Variants in SORBS2 observed in about 807,000 individuals in gnomAD.
The protein encoded by SORBS2 is sorbin and SH3 domain-containing protein 2.
A neutral mutation model predicts 97.7 loss-of-function variants in SORBS2; 46 were observed. The observed-to-expected ratio is 0.47, with a 90% CI of 0.37 to 0.60. SORBS2 has a LOEUF of 0.60. SORBS2 is among the 20% of genes least tolerant of loss of function. The pLI is 0.00. For synonymous variants in SORBS2, 476 were observed against 473.4 expected, an observed-to-expected ratio of 1.01 and a Z score of -0.07; for missense variants, 1,316 against 1,282.3, an observed-to-expected ratio of 1.03 and a Z score of -0.40.
At chr4:185,922,501 TC>T (rs2099261367) in intron 1 of SORBS2, among the ~76,000 whole-genome samples, 1 of 152,222 alleles carries the variant, frequency 6.6e-6, no homozygotes. Flanking sequence ...CAGAAATGAA[TC>T]CTATTTCAGG....
chr4:185,837,580 C>T (rs1438387596), intron 1 of SORBS2, among the ~76,000 whole-genome samples: 1 of 152,120 alleles, frequency 6.6e-6, no homozygotes, highest in Non-Finnish European at 1.5e-5. Flanking sequence ...TTTGTTCTAA[C>T]TGAATAGGTT....
intron 1 of SORBS2, among the ~76,000 whole-genome samples, chr4:185,879,211 T>A (rs1340197609): frequency 3.9e-5 from 5 of 128,160 alleles, no homozygotes; most frequent in Non-Finnish European, 6.3e-5. Flanking sequence ...GATGTTCCCC[T>A]TCCTGTGTCC....
At chr4:185,677,174 T>G in intron 4 of SORBS2, 6 of 1,551,740 alleles carry the variant, frequency 3.9e-6, no homozygotes, top group Non-Finnish European at 5.2e-6. Context: ...TCTCAGGCAC[T>G]GGATTAGGGG....
intron 2 of SORBS2, among the ~76,000 whole-genome samples, chr4:185,745,956 G>A (rs1455848145): frequency 2.6e-5 from 4 of 152,222 alleles, no homozygotes; most frequent in East Asian, 3.9e-4. Context: ...AGAAGCAAAC[G>A]ATATCACCAA....
At chr4:185,655,520 T>A in intron 1 of SORBS2, among the ~76,000 whole-genome samples, 1 of 152,190 alleles carries the variant, frequency 6.6e-6, no homozygotes, top group East Asian at 1.9e-4. Flanking sequence ...ACCTTCTTTG[T>A]CAAGTTTTAA....
chr4:185,871,095 C>G (rs560376646), intron 1 of SORBS2, among the ~76,000 whole-genome samples: 1 of 152,326 alleles, frequency 6.6e-6, no homozygotes, highest in Non-Finnish European at 1.5e-5. Flanking sequence ...CACACAGAGT[C>G]TATTCCCCTG....
chr4:185,864,709 G>A (rs544973264), intron 1 of SORBS2, among the ~76,000 whole-genome samples: 1 of 152,146 alleles, frequency 6.6e-6, no homozygotes, highest in East Asian at 1.9e-4. Context: ...TCAGGAGTTC[G>A]AGACCAGCCT....
chr4:185,771,299 C>T (rs1036025314), intron 2 of SORBS2: 3 of 152,114 alleles, frequency 2.0e-5, no homozygotes, highest in African/African-American at 7.2e-5. Flanking sequence ...CCTATCCTTC[C>T]CCTTTTTCTG....
intron 1 of SORBS2, among the ~76,000 whole-genome samples, chr4:185,952,170 G>A (rs766828262): frequency 9.9e-5 from 15 of 152,044 alleles, no homozygotes; most frequent in African/African-American, 2.7e-4. Context: ...GATCACAGGC[G>A]TGTGCCACCA....
intron 1 of SORBS2, among the ~76,000 whole-genome samples, chr4:185,866,440 A>T (rs116434307): frequency 3.9e-5 from 6 of 152,326 alleles, no homozygotes; most frequent in Non-Finnish European, 5.9e-5. Flanking sequence ...ACAAGTATAC[A>T]CTCACATGCA....
intron 1 of SORBS2, among the ~76,000 whole-genome samples, chr4:185,948,510 ATTTTTT>A (rs34637572): frequency 8.0e-5 from 7 of 87,736 alleles, no homozygotes; most frequent in Non-Finnish European, 1.4e-4. Flanking sequence ...ATGAATTTCA[ATTTTTT>A]TTTTTTTTTT....
intron 2 of SORBS2, among the ~76,000 whole-genome samples, chr4:185,685,909 A>T (rs928383785): frequency 6.6e-6 from 1 of 152,220 alleles, no homozygotes; most frequent in African/African-American, 2.4e-5. Flanking sequence ...GTGTAAGTTC[A>T]TCAGCCATTT....
At chr4:185,722,938 T>C (rs556601460) in intron 2 of SORBS2, among the ~76,000 whole-genome samples, 41 of 152,238 alleles carry the variant, frequency 2.7e-4, no homozygotes, top group African/African-American at 9.6e-4. Context: ...GGCAAACATC[T>C]GAGAAATTAA....
intron 1 of SORBS2, among the ~76,000 whole-genome samples, chr4:185,843,800 C>A (rs1348104424): frequency 6.6e-6 from 1 of 152,152 alleles, no homozygotes. Flanking sequence ...AGATTCAGTG[C>A]AATAAATCCC....
At position 185,684,046 on chromosome 4, in the gene SORBS2, C is replaced by A. The variant is rs1028179569; in HGVS notation, c.-197-5224G>T. Among the ~76,000 whole-genome samples the A allele has an allele frequency of 6.6e-6, 1 of 151,758 alleles. No homozygotes were observed. Among genetic ancestry groups the A allele is most frequent in the Non-Finnish European group, 1.5e-5 (1 of 67,984 alleles). ...ACCAACCCACCAACCAACCCATCAC[C>A]AACAGGTGTGGGTCTATTTCAGGGT... On this transcript the variant is annotated intron_variant, in intron 2 of 20. Transcript: ENST00000284776. The surrounding 1 kb of genome is among the most constrained non-coding windows in gnomAD (Gnocchi z 4.2).
intron 1 of SORBS2, among the ~76,000 whole-genome samples, chr4:185,910,010 G>T (rs950557228): frequency 6.9e-6 from 1 of 144,726 alleles, no homozygotes; most frequent in Non-Finnish European, 1.5e-5. Context: ...AAAAAGAAAA[G>T]AAATATATTC....
At chr4:185,875,340 ACAT>A (rs2099232930) in intron 1 of SORBS2, among the ~76,000 whole-genome samples, 2 of 152,342 alleles carry the variant, frequency 1.3e-5, no homozygotes, top group Non-Finnish European at 2.9e-5. Flanking sequence ...ATATTTCAAA[ACAT>A]CATGTTAGTA....
intron 9 of SORBS2, among the ~76,000 whole-genome samples, chr4:185,616,126 T>A (rs1332561441): frequency 6.6e-6 from 1 of 152,236 alleles, no homozygotes; most frequent in East Asian, 1.9e-4. Flanking sequence ...TCTGGAATCT[T>A]CTGCATTGTT....
chr4:185,708,896 TA>T (rs2098385598), intron 2 of SORBS2, among the ~76,000 whole-genome samples: 1 of 152,266 alleles, frequency 6.6e-6, no homozygotes, highest in South Asian at 2.1e-4. Context: ...TACTATCTTT[TA>T]AAATCTGCAT....
Sources: gnomAD v4.1 joint callset for allele counts (sites outside exome capture counted in the v4.1 genomes callset) on GRCh38, gnomAD v4.1.1 for gene constraint, Gnocchi (gnomAD v3.1) non-coding constraint, MANE v1.5 for transcripts, NCBI Gene and HGNC (gene_info 2026-07-23, HGNC 2026-07-21) for gene names.